The following FOXO3 variants were observed in gnomAD, a reference collection of about 807,000 sequenced individuals.
FOXO3 encodes forkhead box O3.
FOXO3 carries 4 observed loss-of-function variants against 41.9 expected under a neutral mutation model. The ratio of observed to expected loss-of-function variants is 0.10; its 90% confidence interval spans 0.05 to 0.22. FOXO3 has a LOEUF of 0.22. Ranked by LOEUF, FOXO3 falls within the 10% of genes least tolerant of loss-of-function variation. The pLI is 1.00. For missense variants in FOXO3, 534 were observed against 906.8 expected (o/e 0.59, Z 5.28); for synonymous variants, 318 against 389.3 (o/e 0.82, Z 2.16).
chr6:108,618,141 A>T (rs754944180), intron 1 of FOXO3: 24 of 968,878 alleles, frequency 2.5e-5, no homozygotes, highest in Non-Finnish European at 3.7e-5. Flanking sequence ...AATCCCTGTC[A>T]TTCACAATAG....
chr6:108,624,375 G>C (rs900609730), intron 1 of FOXO3, among the ~76,000 whole-genome samples: 1 of 151,936 alleles, frequency 6.6e-6, no homozygotes, highest in South Asian at 2.1e-4. Flanking sequence ...CAAATCCAAG[G>C]AAGTCCAAAG....
intron 1 of FOXO3, among the ~76,000 whole-genome samples, chr6:108,562,090 A>C (rs1582721588): frequency 6.6e-6 from 1 of 151,922 alleles, no homozygotes; most frequent in Non-Finnish European, 1.5e-5. Flanking sequence ...CCGGCGAGGG[A>C]AGGGCGAACG....
intron 1 of FOXO3, among the ~76,000 whole-genome samples, chr6:108,607,243 G>A (rs1582771861): frequency 6.6e-6 from 1 of 152,246 alleles, no homozygotes; most frequent in East Asian, 1.9e-4. Flanking sequence ...CTTGAGCTCA[G>A]GAGTTCAAGA....
intron 1 of FOXO3, among the ~76,000 whole-genome samples, chr6:108,597,767 GAGAGCTATTTCAGGAACAAAC>G (rs1402267858): frequency 6.6e-6 from 1 of 152,120 alleles, no homozygotes; most frequent in Admixed American, 6.5e-5. Flanking sequence ...GAGGTAGCCA[GAGAGCTATTTCAGGAACAAAC>G]AGAGCTATTT....
intron 2 of FOXO3, among the ~76,000 whole-genome samples, chr6:108,678,161 G>A (rs1770689884): frequency 6.6e-6 from 1 of 152,232 alleles, no homozygotes; most frequent in African/African-American, 2.4e-5. Context: ...TTGCCAGCAA[G>A]TGCAGAGTCA....
chr6:108,668,274 C>T (rs958146450), intron 2 of FOXO3, among the ~76,000 whole-genome samples: 3 of 152,186 alleles, frequency 2.0e-5, no homozygotes, highest in Non-Finnish European at 4.4e-5. Flanking sequence ...GCTTCTCTGG[C>T]GGGCTGGGTG....
chr6:108,675,177 TTAA>T (rs1770535386), intron 2 of FOXO3, among the ~76,000 whole-genome samples: 1 of 152,256 alleles, frequency 6.6e-6, no homozygotes, highest in East Asian at 1.9e-4. Flanking sequence ...ATTTTAGCCA[TTAA>T]TAATCGCTAA....
chr6:108,567,267 C>T (rs1179247415), intron 1 of FOXO3, among the ~76,000 whole-genome samples: 1 of 152,170 alleles, frequency 6.6e-6, no homozygotes, highest in Non-Finnish European at 1.5e-5. Context: ...TCATTTTGAG[C>T]TTGCTTTGGA....
At chr6:108,671,815 A>G (rs747294297) in intron 2 of FOXO3, among the ~76,000 whole-genome samples, 3 of 152,126 alleles carry the variant, frequency 2.0e-5, no homozygotes, top group Non-Finnish European at 4.4e-5. Context: ...TCCAGAGTCA[A>G]TGTCCCTTAG....
At chr6:108,583,422 A>G (rs947661806) in intron 1 of FOXO3, among the ~76,000 whole-genome samples, 4 of 152,218 alleles carry the variant, frequency 2.6e-5, no homozygotes, top group African/African-American at 9.6e-5. Context: ...ACTTTGGGAA[A>G]GAAGTATATT....
At chr6:108,617,882 G>C in intron 1 of FOXO3, 1 of 338,954 alleles carries the variant, frequency 3.0e-6, no homozygotes, top group East Asian at 7.0e-5. Context: ...TGAACAAACA[G>C]AGAAAACTAT....
In FOXO3 at chr6:108,585,066, G is replaced by A. The variant is rs547239841; in HGVS notation, c.621+23237G>A. ...TTTTTTTTTTTTGAGACAGAGTCTC[G>A]CTCTGTTGCCCAGGCCGGACTGCGG... On this transcript the variant is annotated intron_variant, in intron 1 of 2. Transcript: ENST00000406360. Among the ~76,000 whole-genome samples the A allele has an allele frequency of 3.3e-4, 35 of 106,834 alleles. No individual in the cohort carries two copies. In the East Asian group the frequency reaches 9.8e-3, roughly 30 times the overall value. 70.1% of individuals were successfully genotyped at this position (106,834 alleles called of 152,430 possible). A position where few individuals can be genotyped will look rare whatever the true frequency, so the allele number is the denominator to read the frequency against.
At chr6:108,670,585 TTA>T (rs1323614711) in intron 2 of FOXO3, among the ~76,000 whole-genome samples, 1 of 152,104 alleles carries the variant, frequency 6.6e-6, no homozygotes, top group African/African-American at 2.4e-5. Context: ...GCCTTAAAGG[TTA>T]ATACACATTA....
At chr6:108,675,906 T>G (rs1227014636) in intron 2 of FOXO3, among the ~76,000 whole-genome samples, 1 of 152,248 alleles carries the variant, frequency 6.6e-6, no homozygotes, top group African/African-American at 2.4e-5. Flanking sequence ...GGAACATTTA[T>G]GTTTTATTCC....
chr6:108,584,090 TCATC>T (rs1475102992), intron 1 of FOXO3, among the ~76,000 whole-genome samples: 1 of 152,218 alleles, frequency 6.6e-6, no homozygotes, highest in African/African-American at 2.4e-5. Flanking sequence ...CCATGGTTAT[TCATC>T]CATTTAGTTT....
intron 2 of FOXO3, among the ~76,000 whole-genome samples, chr6:108,675,876 G>C (rs1036135237): frequency 2.0e-5 from 3 of 152,212 alleles, no homozygotes; most frequent in South Asian, 2.1e-4. Flanking sequence ...AGTGGATTAA[G>C]TTGTGGGAGG....
At chr6:108,590,139 T>C (rs1193566932) in intron 1 of FOXO3, among the ~76,000 whole-genome samples, 4 of 146,908 alleles carry the variant, frequency 2.7e-5, no homozygotes, top group Non-Finnish European at 6.1e-5. Context: ...ATTTAAATCT[T>C]TTTTTTTTTT....
At chr6:108,617,814 G>GCTT (rs146257916) in intron 1 of FOXO3, among the ~76,000 whole-genome samples, 2,874 of 152,294 alleles carry the variant, frequency 0.019, 129 homozygotes, top group Admixed American at 0.09. Context: ...AATGCAGTGT[G>GCTT]CTTGTGCACA....
At chr6:108,569,136 T>A (rs1433766494) in intron 1 of FOXO3, among the ~76,000 whole-genome samples, 1 of 152,204 alleles carries the variant, frequency 6.6e-6, no homozygotes, top group Non-Finnish European at 1.5e-5. Context: ...TACTTCAAGT[T>A]TTCTGTCCAT....
Sources: allele counts gnomAD v4.1 joint callset (sites outside exome capture counted in the v4.1 genomes callset), GRCh38; gene constraint gnomAD v4.1.1; transcripts MANE v1.5; gene names NCBI Gene and HGNC (gene_info 2026-07-23, HGNC 2026-07-21).